BICRAL: variants seen among roughly 807,000 people sequenced by gnomAD.
BICRAL encodes BICRA like chromatin remodeling complex associated protein.
Under a neutral mutation model 91.8 loss-of-function variants are expected in BICRAL, and 8 were observed. The observed-to-expected ratio is 0.09, with a 90% CI of 0.05 to 0.16. The LOEUF (loss-of-function observed/expected upper bound fraction) is 0.16, where lower values mean the gene tolerates loss of function less well. Among genes scored for constraint, BICRAL ranks in the 10% least tolerant of loss-of-function variants. The pLI, the probability that BICRAL is intolerant of heterozygous loss-of-function variation, is 1.00. For synonymous variants in BICRAL, 445 were observed against 491.1 expected (o/e 0.91, Z 1.24); for missense variants, 1,038 against 1,310.9 (o/e 0.79, Z 3.21).
At chr6:42,835,595 T>C (rs1307338852) in intron 6 of BICRAL, among the ~76,000 whole-genome samples, 2 of 152,100 alleles carry the variant, frequency 1.3e-5, no homozygotes, top group East Asian at 3.9e-4. Flanking sequence ...TGGTTTACAG[T>C]TCTGTGTTTA....
intron 1 of BICRAL, among the ~76,000 whole-genome samples, chr6:42,806,471 C>G (rs1763709550): frequency 6.6e-6 from 1 of 152,114 alleles, no homozygotes; most frequent in African/African-American, 2.4e-5. Flanking sequence ...CTCAGCCTCC[C>G]CAGTAGCTGG....
intron 1 of BICRAL, among the ~76,000 whole-genome samples, chr6:42,805,606 CA>C (rs1763683108): frequency 6.6e-6 from 1 of 152,068 alleles, no homozygotes; most frequent in Admixed American, 6.6e-5. Context: ...TATTATGTGC[CA>C]GGGGCTATTC....
At chr6:42,847,874 A>T (rs1176799572) in intron 6 of BICRAL, among the ~76,000 whole-genome samples, 1 of 152,124 alleles carries the variant, frequency 6.6e-6, no homozygotes, top group Non-Finnish European at 1.5e-5. Flanking sequence ...TCACGCCTGT[A>T]ATCCCAGCAC....
chr6:42,850,048 A>T (rs9462839), intron 6 of BICRAL, among the ~76,000 whole-genome samples: 19 of 151,394 alleles, frequency 1.3e-4, no homozygotes, highest in African/African-American at 3.9e-4. Context: ...ATAAATAAAT[A>T]AAATAAATAA....
intron 2 of BICRAL, among the ~76,000 whole-genome samples, chr6:42,816,552 A>G (rs1391596901): frequency 6.6e-6 from 1 of 152,144 alleles, no homozygotes; most frequent in African/African-American, 2.4e-5. Flanking sequence ...TCAGCCTACC[A>G]AGTAGCTGGG....
In BICRAL at chr6:42,812,981, G is replaced by C. The variant is rs1048655767; in HGVS notation, c.-6+2580G>C. Among the ~76,000 whole-genome samples, 4 of 152,190 alleles carry C rather than the reference G, an allele frequency of 2.6e-5. No individual in the cohort carries two copies. In the East Asian group the frequency reaches 7.7e-4, roughly 29 times the overall value. On this transcript the variant is annotated intron_variant, in intron 2 of 12. Transcript: ENST00000314073. ...GCCCAGGAGGTCGAGGCTGCAATCC[G>C]CTGTGATCCTGCCACTGCACTGCTG... is the stretch of plus-strand genomic sequence containing the variant.
chr6:42,775,562 GCCCCCCTAAC>G (rs1762795430), intron 1 of BICRAL, among the ~76,000 whole-genome samples: 1 of 152,164 alleles, frequency 6.6e-6, no homozygotes, highest in African/African-American at 2.4e-5. Flanking sequence ...AGCATGTGGT[GCCCCCCTAAC>G]CTGATGGCTG....
intron 10 of BICRAL, among the ~76,000 whole-genome samples, chr6:42,858,761 G>A (rs1316360306): frequency 6.6e-6 from 1 of 152,092 alleles, no homozygotes; most frequent in African/African-American, 2.4e-5. Context: ...AGGTTCCCAT[G>A]AGCCGAGATC....
intron 1 of BICRAL, among the ~76,000 whole-genome samples, chr6:42,751,654 CTTT>C (rs1190737893): frequency 3.4e-5 from 4 of 116,568 alleles, no homozygotes; most frequent in African/African-American, 3.2e-5. Context: ...TCTTTCTTTT[CTTT>C]TTTTTTTTTT....
At chr6:42,852,273 C>A in intron 7 of BICRAL, 76 bp downstream of exon 7, 1 of 868,432 alleles carries the variant, frequency 1.2e-6, no homozygotes, top group Non-Finnish European at 2.0e-6. Context: ...CCTCATTCTG[C>A]ACGAAAGCTT....
At chr6:42,792,091 G>T (rs1763290583) in intron 1 of BICRAL, among the ~76,000 whole-genome samples, 1 of 152,170 alleles carries the variant, frequency 6.6e-6, no homozygotes, top group Admixed American at 6.5e-5. Flanking sequence ...CATGAATGAA[G>T]CTTGGAGGAC....
chr6:42,785,562 CAAAA>C (rs5875817), intron 1 of BICRAL, among the ~76,000 whole-genome samples: 2 of 126,850 alleles, frequency 1.6e-5, no homozygotes, highest in South Asian at 4.9e-4. Context: ...ACTCCCATCT[CAAAA>C]AAAAAAAAAA....
chr6:42,750,783 G>A (rs575110347), intron 1 of BICRAL, among the ~76,000 whole-genome samples: 54 of 151,454 alleles, frequency 3.6e-4, no homozygotes, highest in African/African-American at 1.3e-3. Flanking sequence ...CACCATGTTG[G>A]GCCAGGCTGG....
intron 6 of BICRAL, among the ~76,000 whole-genome samples, chr6:42,840,882 T>TCA (rs1354172059): frequency 6.6e-6 from 1 of 151,386 alleles, no homozygotes; most frequent in East Asian, 2.0e-4. Flanking sequence ...AAGACTAGCG[T>TCA]GGCTAACATG....
At chr6:42,800,581 G>A (rs907991153) in intron 1 of BICRAL, among the ~76,000 whole-genome samples, 2 of 146,322 alleles carry the variant, frequency 1.4e-5, no homozygotes, top group African/African-American at 5.1e-5. Context: ...ACAGGGTCCC[G>A]CTTCATCGCC....
chr6:42,788,588 C>T (rs561616209), intron 1 of BICRAL, among the ~76,000 whole-genome samples: 2 of 152,232 alleles, frequency 1.3e-5, no homozygotes, highest in East Asian at 3.9e-4. Flanking sequence ...AGCAAGACAA[C>T]GCAGTGTGGC....
intron 6 of BICRAL, among the ~76,000 whole-genome samples, chr6:42,842,847 G>A (rs1582864484): frequency 6.7e-6 from 1 of 148,156 alleles, no homozygotes; most frequent in African/African-American, 2.5e-5. Flanking sequence ...CCAACAGTCA[G>A]AACACAGTAT....
At chr6:42,852,478 A>G (rs1428553991) in intron 7 of BICRAL, 1 of 532,910 alleles carries the variant, frequency 1.9e-6, no homozygotes, top group Non-Finnish European at 3.6e-6. Context: ...CCCGACCAAC[A>G]TGATGAAACC....
intron 1 of BICRAL, among the ~76,000 whole-genome samples, chr6:42,800,624 A>G (rs1010535053): frequency 2.0e-5 from 3 of 150,450 alleles, no homozygotes; most frequent in African/African-American, 7.4e-5. Flanking sequence ...ATCTCAGCTC[A>G]CTGCAACCTC....
Sources: gnomAD v4.1 joint callset for allele counts (sites outside exome capture counted in the v4.1 genomes callset) on GRCh38, gnomAD v4.1.1 for gene constraint, MANE v1.5 for transcripts, NCBI Gene and HGNC (gene_info 2026-07-23, HGNC 2026-07-21) for gene names.